ERBB4: variants seen among roughly 807,000 people sequenced by gnomAD.
The protein encoded by ERBB4 is erb-b2 receptor tyrosine kinase 4, also known as receptor tyrosine-protein kinase erbB-4.
ERBB4 carries 42 observed loss-of-function variants against 158.0 expected under a neutral mutation model. The ratio of observed to expected loss-of-function variants is 0.27; its 90% CI spans 0.21 to 0.34. The LOEUF (loss-of-function observed/expected upper bound fraction) is 0.34. ERBB4 is among the 10% of genes least tolerant of loss of function. The pLI, the probability that ERBB4 is intolerant of heterozygous loss-of-function variation, is 1.00. For missense variants in ERBB4, 1,333 were observed against 1,624.1 expected (o/e 0.82, Z 3.08); for synonymous variants, 583 against 558.7 (o/e 1.04, Z -0.61).
At chr2:212,518,247 T>C (rs1691951475) in intron 1 of ERBB4, among the ~76,000 whole-genome samples, 1 of 152,012 alleles carries the variant, frequency 6.6e-6, no homozygotes, top group Non-Finnish European at 1.5e-5. Context: ...GGGACATAGT[T>C]TGTACATAGA....
intron 1 of ERBB4, among the ~76,000 whole-genome samples, chr2:212,468,093 C>A (rs1284046991): frequency 6.6e-6 from 1 of 152,134 alleles, no homozygotes; most frequent in African/African-American, 2.4e-5. Flanking sequence ...AATTCCTGTA[C>A]CCCCATTGTA....
intron 2 of ERBB4, among the ~76,000 whole-genome samples, chr2:212,107,312 T>A (rs2125531709): frequency 6.6e-6 from 1 of 152,190 alleles, no homozygotes; most frequent in South Asian, 2.1e-4. Flanking sequence ...TCAAAGGAGA[T>A]CTTTTTTTTT....
At chr2:212,233,719 G>A (rs1301999016) in intron 1 of ERBB4, among the ~76,000 whole-genome samples, 1 of 151,894 alleles carries the variant, frequency 6.6e-6, no homozygotes, top group African/African-American at 2.4e-5. Context: ...TAATATGTTG[G>A]TTTTATATTC....
At chr2:211,918,905 C>T (rs1042558916) in intron 3 of ERBB4, among the ~76,000 whole-genome samples, 10 of 151,978 alleles carry the variant, frequency 6.6e-5, no homozygotes, top group Admixed American at 6.6e-4. Context: ...AGTTTTAAGC[C>T]ACTGAGATTT....
chr2:212,471,955 G>C (rs1190351015), intron 1 of ERBB4, among the ~76,000 whole-genome samples: 1 of 151,806 alleles, frequency 6.6e-6, no homozygotes, highest in Non-Finnish European at 1.5e-5. Flanking sequence ...AATGTCACAA[G>C]TACTTGAAAC....
chr2:212,285,818 T>A (rs2085940042), intron 1 of ERBB4, among the ~76,000 whole-genome samples: 2 of 152,116 alleles, frequency 1.3e-5, no homozygotes, highest in Admixed American at 1.3e-4. Context: ...TAGAATAGAT[T>A]TTATATAACT....
At chr2:211,683,289 T>C (rs915331133) in intron 12 of ERBB4, among the ~76,000 whole-genome samples, 2 of 152,138 alleles carry the variant, frequency 1.3e-5, no homozygotes, top group Admixed American at 6.5e-5. Context: ...GCAAGAATCC[T>C]TAATTTTGTA....
intron 25 of ERBB4, among the ~76,000 whole-genome samples, chr2:211,401,453 CATG>C (rs1250615394): frequency 2.6e-5 from 4 of 151,848 alleles, no homozygotes; most frequent in African/African-American, 9.7e-5. Flanking sequence ...TCTCAGAATT[CATG>C]ATGAGGCATT....
chr2:211,751,204 G>A (rs2075121956), intron 4 of ERBB4, among the ~76,000 whole-genome samples: 1 of 152,038 alleles, frequency 6.6e-6, no homozygotes, highest in Non-Finnish European at 1.5e-5. Flanking sequence ...ATGCATTTAA[G>A]CTATACTTTT....
At chr2:211,603,232 AT>A in intron 19 of ERBB4, among the ~76,000 whole-genome samples, 1 of 146,952 alleles carries the variant, frequency 6.8e-6, no homozygotes, top group African/African-American at 2.5e-5. Context: ...CTCCGTCTCA[AT>A]AAATAAATAA....
In ERBB4 at chr2:211,511,608, A is replaced by G. The variant is rs1455348964; in HGVS notation, c.2487+50295T>C. ...TTTTCTTTAAAGCAGTATGCTTTTCAGATAAGCAAAATTGTTGTACATTGT... is the reference window on the plus strand; with the variant it reads ...TTTTCTTTAAAGCAGTATGCTTTTCGGATAAGCAAAATTGTTGTACATTGT... On this transcript the variant is annotated intron_variant, in intron 20 of 27. Coordinates refer to ENST00000342788, the MANE Select transcript of ERBB4 (RefSeq NM_005235.3). Among the ~76,000 whole-genome samples, 3 of 152,148 alleles carry G rather than the reference A, an allele frequency of 2.0e-5. No individual in the cohort carries two copies. The East Asian group carries it at 5.8e-4, about 29-fold the overall frequency.
At chr2:212,335,658 C>G (rs1343537546) in intron 1 of ERBB4, among the ~76,000 whole-genome samples, 1 of 151,968 alleles carries the variant, frequency 6.6e-6, no homozygotes, top group Non-Finnish European at 1.5e-5. Flanking sequence ...AAAGTAACCA[C>G]AGCAATCAGA....
chr2:211,660,706 C>G (rs1202426994), intron 15 of ERBB4, among the ~76,000 whole-genome samples: 1 of 151,968 alleles, frequency 6.6e-6, no homozygotes, highest in Non-Finnish European at 1.5e-5. Flanking sequence ...AAAGTTGAAA[C>G]CATGTAAGTG....
intron 1 of ERBB4, among the ~76,000 whole-genome samples, chr2:212,254,092 G>A (rs2084637742): frequency 6.6e-6 from 1 of 151,796 alleles, no homozygotes; most frequent in Non-Finnish European, 1.5e-5. Context: ...ACACATGACT[G>A]TAAAATTTAA....
chr2:211,824,397 G>A (rs2077052758), intron 3 of ERBB4, among the ~76,000 whole-genome samples: 1 of 151,942 alleles, frequency 6.6e-6, no homozygotes. Flanking sequence ...TGGAAGGCAA[G>A]GATAGGAAAT....
chr2:212,352,761 G>A (rs1359047384), intron 1 of ERBB4, among the ~76,000 whole-genome samples: 1 of 152,028 alleles, frequency 6.6e-6, no homozygotes, highest in East Asian at 1.9e-4. Flanking sequence ...CCAGCTACTT[G>A]GGAGGCTGAG....
chr2:211,482,262 GT>G (rs2065102749), intron 20 of ERBB4, among the ~76,000 whole-genome samples: 1 of 152,170 alleles, frequency 6.6e-6, no homozygotes, highest in Non-Finnish European at 1.5e-5. Context: ...ATAAGAAAAA[GT>G]GCTTGATTTT....
chr2:212,205,277 C>G (rs1187459221), intron 1 of ERBB4, among the ~76,000 whole-genome samples: 1 of 152,168 alleles, frequency 6.6e-6, no homozygotes, highest in African/African-American at 2.4e-5. Flanking sequence ...CCTCCCACCT[C>G]AGCCTCCCAA....
At chr2:211,608,625 T>C (rs2069076300) in intron 19 of ERBB4, among the ~76,000 whole-genome samples, 1 of 152,182 alleles carries the variant, frequency 6.6e-6, no homozygotes, top group Non-Finnish European at 1.5e-5. Flanking sequence ...CTAGAAAATC[T>C]TCGGAAAATA....
Sources: allele counts gnomAD v4.1 joint callset (sites outside exome capture counted in the v4.1 genomes callset), GRCh38; gene constraint gnomAD v4.1.1; transcripts MANE v1.5; gene names NCBI Gene and HGNC (gene_info 2026-07-23, HGNC 2026-07-21).